APOA1: variants seen among roughly 807,000 people sequenced by gnomAD.
The protein encoded by APOA1 is apolipoprotein A-I.
In APOA1, 22 loss-of-function variants were observed where a neutral mutation model predicts 25.9. That is an observed-to-expected ratio of 0.85 (90% CI 0.61 to 1.21). The LOEUF (loss-of-function observed/expected upper bound fraction) is 1.21. APOA1 is among the 50% of genes most tolerant of loss of function. APOA1 has a pLI of 0.00. For synonymous variants in APOA1, 163 were observed against 152.2 expected (o/e 1.07, Z -0.52); for missense variants, 351 against 347.9 (o/e 1.01, Z -0.07).
intron 1 of APOA1, 85 bp from the exon 2 acceptor site, chr11:116,837,492 G>T: frequency 7.2e-7 from 1 of 1,390,834 alleles, no homozygotes; most frequent in Non-Finnish European, 1.0e-6. Context: ...AGCCAGGTGA[G>T]GAGAAGGGCA....
At position 116,835,800 on chromosome 11, in the gene APOA1, C is replaced by T. The variant is rs748728104; in HGVS notation, c.*8G>A. 2.5e-6 allele frequency: 4 copies of T among 1,613,048 alleles called. No individual in the cohort carries two copies. The highest frequency in any genetic ancestry group is 3.4e-6 in the Non-Finnish European group (4 of 1,180,002). On this transcript the variant is annotated 3_prime_UTR_variant, in exon 4 of 4. Transcript: ENST00000236850. ...TGAGCACCGGGAAGGGGGGCGGCGG[C>T]GGGCGCCTCACTGGGTGTTGAGCTT...
intron 2 of APOA1, 91 bp from the exon 3 acceptor site, chr11:116,837,248 A>G (rs1941578143): frequency 6.3e-7 from 1 of 1,579,946 alleles, no homozygotes; most frequent in Non-Finnish European, 8.7e-7. Flanking sequence ...AGAGGGGGCC[A>G]GTGAGAAACC....
rs143796163 is a variant in APOA1, at chr11:116,836,351, C to A, written c.261G>T (p.Gln87His). 5 of 1,614,154 alleles carry A rather than the reference C, an allele frequency of 3.1e-6. No homozygotes were observed. The African/African-American group carries it at 6.7e-5, about 22-fold the overall frequency. ...AGAACTCCTGGGTCACAGGGCCGAG[C>A]TGTTCGCGCAGCTTGCTGAAGGTGG... ...VTSTFSKLRE[Q>H]LGPVTQEFWD... Residue 87 changes from glutamine to histidine, a missense_variant, in exon 4 of 4, where the codon CAG becomes CAT. Transcript: ENST00000236850.
At position 116,837,400 on chromosome 11, in the gene APOA1, TG is replaced by T. The variant is rs1424194291; in HGVS notation, c.-14del. On this transcript the variant is annotated 5_prime_UTR_variant, in exon 2 of 4. Transcript: ENST00000236850. ...CCGCAGCTTTCATCCTGAAGGGCCG[TG>T]GGGGACCTGGAGGAGAAGAAGGGCC... is the stretch of plus-strand genomic sequence containing the variant. The T allele has an allele frequency of 3.9e-6, 6 of 1,555,676 alleles. No homozygotes were observed. The highest frequency in any genetic ancestry group is 5.2e-6 in the Non-Finnish European group (6 of 1,149,176).
Position 116,836,916 on chromosome 11 carries a change from T to C in APOA1, c.200+85A>G, listed in dbSNP as rs574049003. 6.9e-6 allele frequency: 10 copies of C among 1,451,066 alleles called. No homozygotes were observed. In the African/African-American group the frequency reaches 6.9e-5, roughly 10 times the overall value. The allele number at this position is 1,451,066 out of a possible 1,614,324, so 89.9% of individuals were successfully genotyped here. Reference sequence around the variant, plus strand: ...GGGGCCCAGCTCATCAGATATTAGGTGAGGACTCGGCCAGTCTGGCTTCAA... The same window carrying C: ...GGGGCCCAGCTCATCAGATATTAGGCGAGGACTCGGCCAGTCTGGCTTCAA... On this transcript the variant is annotated intron_variant, in intron 3 of 3. Transcript: ENST00000236850.
Position 116,837,108 on chromosome 11 carries a change from G to A in APOA1, c.93C>T (p.Pro31=). 6.2e-7 allele frequency: 1 copy of A among 1,613,854 alleles called. No homozygotes were observed. The highest frequency in any genetic ancestry group is 8.5e-7 in the Non-Finnish European group (1 of 1,179,844). ...FWQQDEPPQS[P]WDRVKDLATV... ...TGGCCAGGTCCTTCACTCGATCCCA[G>A]GGGCTCTGGGGGGGTTCATCTTGCT... The change falls in exon 3 of 4, where the codon CCC becomes CCT. Residue 31 remains proline, a synonymous_variant. Transcript: ENST00000236850.
At chr11:116,837,232 T>G (rs1591331556) in intron 2 of APOA1, 75 bp from the exon 3 acceptor site, 1 of 1,590,372 alleles carries the variant, frequency 6.3e-7, no homozygotes. Context: ...AGCTTGGAGG[T>G]GGGGGAGAGG....
Position 116,836,078 on chromosome 11 carries a change from GGC to G in APOA1, c.532_533del (p.Ala178ProfsTer25), listed in dbSNP as rs781350389. The G allele has an allele frequency of 4.4e-6, 7 of 1,605,970 alleles. No homozygotes were observed. Among genetic ancestry groups the G allele is most frequent in the Non-Finnish European group, 5.1e-6 (6 of 1,178,264 alleles). On this transcript the variant is annotated frameshift_variant, in exon 4 of 4. Coordinates refer to ENST00000236850, the MANE Select transcript of APOA1 (RefSeq NM_000039.3). LOFTEE classifies it high-confidence loss of function. ...LGEEMRDRAR[A>X]HVDALRTHLA... ...GATGCGTGCGCAGCGCGTCCACATG[GGC>G]GCGCGCGCGGTCGCGCATCTCCTCG... is the stretch of plus-strand genomic sequence containing the variant.
chr11:116,836,483 G>A (rs1941553728), intron 3 of APOA1, 72 bp from the exon 4 acceptor site: 1 of 1,588,686 alleles, frequency 6.3e-7, no homozygotes, highest in Non-Finnish European at 8.6e-7. Context: ...AGCCCTGGGT[G>A]ACACCTGTCC....
rs1360927328 is a variant in APOA1 at position 116,836,382 on chromosome 11, A to C, written c.230T>G (p.Val77Gly). ...NLKLLDNWDS[V>G]TSTFSKLREQ... ...GCGCAGCTTGCTGAAGGTGGAGGTC[A>C]CGCTGTCCCAGTTGTCAAGGAGCTT... Residue 77 changes from valine to glycine, a missense_variant, in exon 4 of 4, where the codon GTG becomes GGG. Val to Gly is a moderately radical substitution (Grantham distance 109). Transcript: ENST00000236850. 1 of 1,613,936 alleles carries C rather than the reference A, an allele frequency of 6.2e-7. No individual in the cohort carries two copies. Among genetic ancestry groups the C allele is most frequent in the East Asian group, 2.2e-5 (1 of 44,896 alleles).
chr11:116,837,281 G>A (rs1941578995), intron 2 of APOA1, 64 bp downstream of exon 2: 2 of 1,590,554 alleles, frequency 1.3e-6, no homozygotes, highest in African/African-American at 1.3e-5. Flanking sequence ...CCAGGAGGGT[G>A]GGCCACGGGG....
Position 116,837,072 on chromosome 11 carries a change from C to T in APOA1, c.129G>A (p.Val43=), listed in dbSNP as rs1206004844. 1 of 1,614,072 alleles carries T rather than the reference C, an allele frequency of 6.2e-7. No individual in the cohort carries two copies. The highest frequency in any genetic ancestry group is 8.5e-7 in the Non-Finnish European group (1 of 1,180,056). The change falls in exon 3 of 4, where the codon GTG becomes GTA. Residue 43 remains valine (V), a synonymous_variant. Coordinates refer to ENST00000236850, the MANE Select transcript of APOA1 (RefSeq NM_000039.3). Reference sequence around the variant, plus strand: ...CTCTGCCGCTGTCTTTGAGCACATCCACGTACACAGTGGCCAGGTCCTTCA... The same window carrying T: ...CTCTGCCGCTGTCTTTGAGCACATCTACGTACACAGTGGCCAGGTCCTTCA... ...DRVKDLATVY[V]DVLKDSGRDY...
Position 116,837,508 on chromosome 11 carries a change from C to T in APOA1, c.-21+97G>A, listed in dbSNP as rs570129170. The stretch of plus-strand genomic sequence containing the variant: ...GCCAGGTGAGGAGAAGGGCACAGAG[C>T]GGGAGAAGACCTCAGGTACCCAGAG... On this transcript the variant is annotated intron_variant, in intron 1 of 3. Transcript: ENST00000236850. The T allele has an allele frequency of 3.0e-5, 38 of 1,266,670 alleles. No individual in the cohort carries two copies. In the South Asian group the frequency reaches 3.7e-4, roughly 12 times the overall value. The allele number at this position is 1,266,670 out of a possible 1,614,324, so 78.5% of individuals were successfully genotyped here.
Sources: allele counts gnomAD v4.1 joint callset, GRCh38; gene constraint gnomAD v4.1.1; transcripts MANE v1.5; gene names NCBI Gene and HGNC (gene_info 2026-07-23, HGNC 2026-07-21).